Variants in PLEKHA4 observed in about 807,000 individuals in gnomAD.
PLEKHA4 encodes pleckstrin homology domain-containing family A member 4.
PLEKHA4 carries 73 observed loss-of-function variants against 94.7 expected under a neutral mutation model. The observed-to-expected ratio is 0.77, with a 90% confidence interval of 0.64 to 0.94. The LOEUF (loss-of-function observed/expected upper bound fraction) is 0.94, where lower values mean the gene tolerates loss of function less well. PLEKHA4 is among the 40% of genes least tolerant of loss of function. The probability of loss-of-function intolerance (pLI) is 0.00; values close to 1 mark genes in which losing one functional copy is unlikely to be tolerated. For missense variants in PLEKHA4, 1,049 were observed against 1,054.1 expected (o/e 1.00, Z 0.07); for synonymous variants, 449 against 437.1 (o/e 1.03, Z -0.34).
chr19:48,856,898 CAAAAAAA>C (rs1315657736), intron 9 of PLEKHA4, among the ~76,000 whole-genome samples: 1 of 35,650 alleles, frequency 2.8e-5, no homozygotes, highest in South Asian at 1.2e-3. Flanking sequence ...GACCCCGTCT[CAAAAAAA>C]AAAAAAAAAA....
intron 9 of PLEKHA4, among the ~76,000 whole-genome samples, chr19:48,856,245 C>A (rs1474207626): frequency 3.0e-5 from 4 of 131,748 alleles, no homozygotes; most frequent in Non-Finnish European, 4.8e-5. Context: ...AAGGAAAGAA[C>A]GAGGAGGGGA....
At chr19:48,860,909 A>G (rs1354099811) in intron 5 of PLEKHA4, among the ~76,000 whole-genome samples, 2 of 147,926 alleles carry the variant, frequency 1.4e-5, no homozygotes, top group Admixed American at 6.7e-5. Flanking sequence ...TGGAAAGGAA[A>G]GGAAAGGAAA....
At chr19:48,840,420 A>C in intron 17 of PLEKHA4, among the ~76,000 whole-genome samples, 1 of 147,870 alleles carries the variant, frequency 6.8e-6, no homozygotes. Flanking sequence ...AAAAAAGAAA[A>C]CATCTTTTTT....
chr19:48,860,578 C>G (rs570968961), intron 5 of PLEKHA4, 119 bp from the exon 6 acceptor site: 2 of 719,300 alleles, frequency 2.8e-6, no homozygotes, highest in African/African-American at 3.5e-5. Flanking sequence ...GGGAGGATGG[C>G]TTGAGACCAG....
At position 48,867,431 on chromosome 19, in the gene PLEKHA4, C is replaced by T. The variant is rs1599943924; in HGVS notation, c.84+106G>A. The T allele has an allele frequency of 3.8e-6, 5 of 1,321,122 alleles. No homozygotes were observed. The highest frequency in any genetic ancestry group is 2.7e-5 in the South Asian group (2 of 75,282). 81.8% of individuals were successfully genotyped at this position (1,321,122 alleles called of 1,614,324 possible). On this transcript the variant is annotated intron_variant, in intron 2 of 19. Transcript: ENST00000263265. This position sits in a 1 kb window ranked among gnomAD's most constrained non-coding sequence, Gnocchi z 4.7. ...GGACCTTACTATGTCTGGCAGACCC[C>T]GTTGCTAAGGATCTTTGTCCTTAAC...
At position 48,837,440 on chromosome 19, in the gene PLEKHA4, C is replaced by T. The variant is rs2035573797; in HGVS notation, c.2189G>A (p.Gly730Asp). 2 of 1,613,318 alleles carry T rather than the reference C, an allele frequency of 1.2e-6. No homozygotes were observed. The highest frequency in any genetic ancestry group is 1.7e-6 in the Non-Finnish European group (2 of 1,179,688). Reference sequence around the variant, plus strand: ...CCCTCGGCGAGAGAACCCCGTGGAACCCGAATTAGCCACCGGGGGAGATCT... The same window carrying T: ...CCCTCGGCGAGAGAACCCCGTGGAATCCGAATTAGCCACCGGGGGAGATCT... Reference protein sequence around the residue: ...PPRSPPVANSGSTGFSRRGSG... With the variant: ...PPRSPPVANSDSTGFSRRGSG... The change falls in exon 20 of 20, where the codon GGT (glycine) becomes GAT (aspartate). Residue 730 changes from glycine (G) to aspartate (D), a missense_variant. Physicochemically the swap from Gly to Asp is moderately conservative, Grantham distance 94. Transcript: ENST00000263265. The surrounding 1 kb of genome is among the most constrained non-coding windows in gnomAD (Gnocchi z 4.3).
Position 48,859,097 on chromosome 19 carries a change from G to A in PLEKHA4, c.735C>T (p.Leu245=). 1 of 1,468,578 alleles carries A rather than the reference G, an allele frequency of 6.8e-7. No individual in the cohort carries two copies. The highest frequency in any genetic ancestry group is 1.3e-5 in the South Asian group (1 of 79,518). The allele number at this position is 1,468,578 out of a possible 1,614,324, so 91.0% of individuals were successfully genotyped here. ...GCGCAGGGGCAGAACGGGGACGGGG[G>A]AGGCTCAGAGGCGAGGGAGGGCGAG... is the stretch of plus-strand genomic sequence containing the variant. The part of the protein sequence containing the change: ...PLSRPPSPLS[L]PRPRSAPARR... Residue 245 remains leucine, a synonymous_variant, in exon 8 of 20, where the codon CTC becomes CTT. Transcript: ENST00000263265.
chr19:48,850,078 G>A (rs2036123307), intron 13 of PLEKHA4, among the ~76,000 whole-genome samples: 1 of 151,892 alleles, frequency 6.6e-6, no homozygotes, highest in African/African-American at 2.4e-5. Context: ...AGGCGTGGTG[G>A]CACACGCCTG....
At chr19:48,856,906 AAAAAAAAAAAG>A (rs2036437266) in intron 9 of PLEKHA4, among the ~76,000 whole-genome samples, 1 of 131,824 alleles carries the variant, frequency 7.6e-6, no homozygotes, top group Non-Finnish European at 1.5e-5. Context: ...CTCAAAAAAA[AAAAAAAAAAAG>A]AAAGAAAGAA....
intron 9 of PLEKHA4, among the ~76,000 whole-genome samples, chr19:48,854,685 T>C (rs2036335917): frequency 6.9e-6 from 1 of 145,956 alleles, no homozygotes; most frequent in Non-Finnish European, 1.5e-5. Flanking sequence ...CACCATCATA[T>C]CATGCCTGGC....
In PLEKHA4 at chr19:48,837,174, C is replaced by T. The variant is rs2035556287; in HGVS notation, c.*115G>A. ...TTGGCCATAGAAACCATTCCCCTCC[C>T]GGGCCCGCAATGGGGACCAGACCAC... On this transcript the variant is annotated 3_prime_UTR_variant, in exon 20 of 20. Coordinates refer to ENST00000263265, the MANE Select transcript of PLEKHA4 (RefSeq NM_020904.3). This position sits in a 1 kb window ranked among gnomAD's most constrained non-coding sequence, Gnocchi z 4.3. 18 of 1,473,640 alleles carry T rather than the reference C, an allele frequency of 1.2e-5. No individual in the cohort carries two copies. In the South Asian group the frequency reaches 1.6e-4, roughly 13 times the overall value. 91.3% of individuals were successfully genotyped at this position (1,473,640 alleles called of 1,614,324 possible).
At chr19:48,838,401 C>A in intron 18 of PLEKHA4, 1 of 196,990 alleles carries the variant, frequency 5.1e-6, no homozygotes, top group Non-Finnish European at 9.9e-6. Flanking sequence ...TGTATCAAAA[C>A]ATCTCAATTA....
At position 48,865,571 on chromosome 19, in the gene PLEKHA4, TC is replaced by T; in HGVS notation, c.123del (p.Lys42ArgfsTer55). 6.2e-7 allele frequency: 1 copy of T among 1,613,950 alleles called. No homozygotes were observed. ...TRAVNKIHAFGKRGNALRRDP... is the reference protein window; with the variant it reads ...TRAVNKIHAFXKRGNALRRDP... ...TCCCTCCTGAGCGCATTGCCTCTCT[TC>T]CCAAAGGCGTGGATCTTGTTTACTG... On this transcript the variant is annotated frameshift_variant, in exon 3 of 20. Transcript: ENST00000263265. LOFTEE classifies it high-confidence loss of function.
rs552599694 is a variant in PLEKHA4 at position 48,854,200 on chromosome 19, G to A, written c.1095+17C>T. On this transcript the variant is annotated intron_variant, in intron 10 of 19. Coordinates refer to ENST00000263265, the MANE Select transcript of PLEKHA4 (RefSeq NM_020904.3). Reference sequence around the variant, plus strand: ...AACTCTGGGAACTCAGCAAGGATTAGATCAGTGACAACTTACATCTGTCTC... The same window carrying A: ...AACTCTGGGAACTCAGCAAGGATTAAATCAGTGACAACTTACATCTGTCTC... 14 of 1,613,790 alleles carry A rather than the reference G, an allele frequency of 8.7e-6. No individual in the cohort carries two copies. In the East Asian group the frequency reaches 2.9e-4, roughly 33 times the overall value.
chr19:48,853,917 G>C, intron 11 of PLEKHA4, 86 bp from the exon 12 acceptor site: 9 of 1,595,584 alleles, frequency 5.6e-6, no homozygotes, highest in African/African-American at 1.3e-5. Flanking sequence ...CGTCCTGGAC[G>C]TCCAGTCAGC....
rs906874460 is a variant in PLEKHA4 at position 48,867,389 on chromosome 19, G to A, written c.84+148C>T. The A allele has an allele frequency of 2.2e-5, 18 of 816,550 alleles. No individual in the cohort carries two copies. Among genetic ancestry groups the A allele is most frequent in the Middle Eastern group, 3.7e-4 (1 of 2,734 alleles). 50.6% of individuals were successfully genotyped at this position (816,550 alleles called of 1,614,324 possible). ...GGAGTGCCTCTGAATTCCTAGCTGC[G>A]GTGTGTAGGCAATTTGGGACCTTAC... On this transcript the variant is annotated intron_variant, in intron 2 of 19. Coordinates refer to ENST00000263265, the MANE Select transcript of PLEKHA4 (RefSeq NM_020904.3). The surrounding 1 kb of genome is among the most constrained non-coding windows in gnomAD (Gnocchi z 4.7).
Position 48,853,759 on chromosome 19 carries a change from C to A in PLEKHA4, c.1249G>T (p.Gly417Trp), listed in dbSNP as rs763668060. Residue 417 changes from glycine to tryptophan, a missense_variant, in exon 12 of 20, where the codon GGG (glycine) becomes TGG (tryptophan). Coordinates refer to ENST00000263265, the MANE Select transcript of PLEKHA4 (RefSeq NM_020904.3). ...AGGCGCTGGCGACCCCAGGCCCTCC[C>A]GGGAGCCCCAGCCTCCCTGGTGGCT... ...GQATREAGAP[G>W]RAWGRQRLLQ... 3.7e-6 allele frequency: 6 copies of A among 1,612,948 alleles called. No homozygotes were observed. In the Admixed American group the frequency reaches 8.4e-5, roughly 22 times the overall value.
chr19:48,848,841 G>A (rs976478325), intron 13 of PLEKHA4, among the ~76,000 whole-genome samples: 1 of 151,670 alleles, frequency 6.6e-6, no homozygotes, highest in Non-Finnish European at 1.5e-5. Context: ...TTCTTTCTAT[G>A]TTGTTTTACT....
intron 5 of PLEKHA4, among the ~76,000 whole-genome samples, chr19:48,860,852 A>AG (rs887292108): frequency 3.4e-5 from 5 of 149,186 alleles, no homozygotes; most frequent in South Asian, 2.1e-4. Flanking sequence ...AGAGAGAGAG[A>AG]AAAAAAAAGG....
Sources: allele counts gnomAD v4.1 joint callset (sites outside exome capture counted in the v4.1 genomes callset), GRCh38; gene constraint gnomAD v4.1.1; non-coding constraint Gnocchi (gnomAD v3.1); transcripts MANE v1.5; gene names NCBI Gene and HGNC (gene_info 2026-07-23, HGNC 2026-07-21).